The following WDHD1 variants were observed in gnomAD, a reference collection of about 807,000 sequenced individuals.
WDHD1 encodes WD repeat and HMG-box DNA-binding protein 1.
Under a neutral mutation model 135.4 loss-of-function variants are expected in WDHD1, and 111 were observed. The observed-to-expected ratio is 0.82, with a 90% confidence interval of 0.70 to 0.96. The LOEUF (loss-of-function observed/expected upper bound fraction) is 0.96, where lower values mean the gene tolerates loss of function less well. Among genes scored for constraint, WDHD1 ranks in the 40% least tolerant of loss-of-function variants. WDHD1 has a pLI of 0.00. For synonymous variants in WDHD1, 434 were observed against 439.0 expected (o/e 0.99, Z 0.14); for missense variants, 1,351 against 1,336.3 (o/e 1.01, Z -0.17).
chr14:54,987,408 G>A, intron 13 of WDHD1, 21 bp from the exon 14 acceptor site: 1 of 1,600,022 alleles, frequency 6.2e-7, no homozygotes. Context: ...AAACAAGACA[G>A]AAACAATCAA....
chr14:55,010,115 G>A (rs545807875), intron 4 of WDHD1, among the ~76,000 whole-genome samples, 194 bp downstream of exon 4: 9 of 152,076 alleles, frequency 5.9e-5, no homozygotes, highest in African/African-American at 2.2e-4. Context: ...CACCACAACC[G>A]GCCAAAGCAA....
Position 54,981,596 on chromosome 14 carries a change from T to C in WDHD1, c.2007A>G (p.Lys669=). 1 of 1,613,750 alleles carries C rather than the reference T, an allele frequency of 6.2e-7. No individual in the cohort carries two copies. The highest frequency in any genetic ancestry group is 8.5e-7 in the Non-Finnish European group (1 of 1,179,874). The change falls in exon 16 of 26, where the codon AAA becomes AAG. Residue 669 remains lysine (K), a synonymous_variant. Coordinates refer to ENST00000360586, the MANE Select transcript of WDHD1 (RefSeq NM_007086.4). ...CCACCCAGTAGTGATCAGATTTTCCTTTGCAGTGCTCTCTTGTATTACATA... is the reference window on the plus strand; with the variant it reads ...CCACCCAGTAGTGATCAGATTTTCCCTTGCAGTGCTCTCTTGTATTACATA... ...TPICNTREHC[K]GKSDHYWVVG...
At chr14:54,964,398 T>G (rs981200032) in intron 18 of WDHD1, among the ~76,000 whole-genome samples, 1 of 152,128 alleles carries the variant, frequency 6.6e-6, no homozygotes, top group Non-Finnish European at 1.5e-5. Context: ...CCTAGCACTT[T>G]GGGAGACTGA....
At chr14:54,956,828 G>A (rs1311716138) in intron 23 of WDHD1, among the ~76,000 whole-genome samples, 1 of 152,092 alleles carries the variant, frequency 6.6e-6, no homozygotes, top group Non-Finnish European at 1.5e-5. Context: ...GGGCTCAAGT[G>A]ATCCTCCCAC....
intron 11 of WDHD1, among the ~76,000 whole-genome samples, chr14:54,992,354 G>A (rs1338841792): frequency 7.2e-5 from 11 of 152,132 alleles, no homozygotes; most frequent in African/African-American, 2.7e-4. Flanking sequence ...GCCTGGCATG[G>A]TGGCGGGCAC....
rs775309889 is a variant in WDHD1, at chr14:55,008,654, T to C, written c.407A>G (p.Asp136Gly). 2 of 1,613,078 alleles carry C rather than the reference T, an allele frequency of 1.2e-6. No homozygotes were observed. Among genetic ancestry groups the C allele is most frequent in the African/African-American group, 1.3e-5 (1 of 74,892 alleles). The change falls in exon 5 of 26, where the codon GAT (aspartate) becomes GGT (glycine). Residue 136 changes from aspartate to glycine, a missense_variant. Physicochemically the swap from Asp to Gly is moderately conservative, Grantham distance 94. Coordinates refer to ENST00000360586, the MANE Select transcript of WDHD1 (RefSeq NM_007086.4). Reference protein sequence around the residue: ...SSQQKTFRGHDAPVLSLSFDP... With the variant: ...SSQQKTFRGHGAPVLSLSFDP... ...AAAGGAAAGACTTAAAACAGGGGCA[T>C]CATGTCCTCGAAATGTTTTCTGTTG... is the stretch of plus-strand genomic sequence containing the variant.
chr14:55,023,568 A>G (rs892300476), intron 2 of WDHD1, among the ~76,000 whole-genome samples: 8 of 152,238 alleles, frequency 5.3e-5, no homozygotes, highest in African/African-American at 1.9e-4. Context: ...GGCACTTCAT[A>G]TGATTCCCAT....
At chr14:55,014,849 AAAG>A (rs1375494654) in intron 2 of WDHD1, among the ~76,000 whole-genome samples, 4 of 152,140 alleles carry the variant, frequency 2.6e-5, no homozygotes, top group Admixed American at 1.3e-4. Context: ...CTGGGAAGTC[AAAG>A]AACAAGCAGG....
At chr14:54,977,115 T>C (rs1422230029) in intron 16 of WDHD1, among the ~76,000 whole-genome samples, 1 of 152,130 alleles carries the variant, frequency 6.6e-6, no homozygotes, top group African/African-American at 2.4e-5. Context: ...AATAGATGTG[T>C]ACTCTCTACC....
intron 18 of WDHD1, among the ~76,000 whole-genome samples, chr14:54,965,375 G>A (rs954062778): frequency 3.3e-5 from 5 of 152,126 alleles, no homozygotes; most frequent in African/African-American, 9.7e-5. Context: ...CACCAAACCT[G>A]GCCACTGGTC....
intron 2 of WDHD1, among the ~76,000 whole-genome samples, chr14:55,021,817 A>G (rs950159818): frequency 2.0e-5 from 3 of 152,344 alleles, no homozygotes; most frequent in Admixed American, 6.5e-5. Flanking sequence ...TAAGTCATGC[A>G]CAACGTCTGG....
intron 2 of WDHD1, among the ~76,000 whole-genome samples, chr14:55,023,309 C>T (rs997758142): frequency 3.3e-5 from 5 of 152,160 alleles, no homozygotes; most frequent in Admixed American, 6.5e-5. Context: ...ATAAAAGCTG[C>T]GTTTTCAATA....
chr14:55,004,764 T>C, intron 7 of WDHD1: 1 of 386,568 alleles, frequency 2.6e-6, no homozygotes, highest in South Asian at 2.0e-5. Context: ...AATGTTTATT[T>C]TTCATCAACC....
chr14:55,023,014 C>T (rs956865027), intron 2 of WDHD1, among the ~76,000 whole-genome samples: 1 of 151,844 alleles, frequency 6.6e-6, no homozygotes, highest in Non-Finnish European at 1.5e-5. Flanking sequence ...TTAGTAGAGA[C>T]AGGGTTTCAA....
chr14:54,959,794 C>T (rs1327711857), intron 21 of WDHD1, among the ~76,000 whole-genome samples: 1 of 151,522 alleles, frequency 6.6e-6, no homozygotes, highest in African/African-American at 2.4e-5. Flanking sequence ...ACCCCCCCCA[C>T]CAAACAAAAA....
intron 7 of WDHD1, among the ~76,000 whole-genome samples, chr14:55,002,437 A>C (rs1329563705): frequency 6.6e-6 from 1 of 152,068 alleles, no homozygotes; most frequent in East Asian, 1.9e-4. Flanking sequence ...TGCCAGGCGC[A>C]AATCTGTATT....
intron 2 of WDHD1, among the ~76,000 whole-genome samples, chr14:55,018,296 G>A (rs1429107737): frequency 1.3e-5 from 2 of 152,112 alleles, no homozygotes; most frequent in East Asian, 1.9e-4. Flanking sequence ...CAAAACTTAT[G>A]CACAGGAAGA....
At chr14:54,959,240 A>G (rs1366248036) in intron 21 of WDHD1, among the ~76,000 whole-genome samples, 1 of 151,926 alleles carries the variant, frequency 6.6e-6, no homozygotes, top group Non-Finnish European at 1.5e-5. Flanking sequence ...AACCCAAACC[A>G]AAACAAAACT....
intron 21 of WDHD1, among the ~76,000 whole-genome samples, chr14:54,962,140 T>C (rs1430695878): frequency 6.6e-6 from 1 of 152,074 alleles, no homozygotes; most frequent in Non-Finnish European, 1.5e-5. Flanking sequence ...CAGCCTTCAA[T>C]TCCTTTTAAC....
Sources: allele counts gnomAD v4.1 joint callset (sites outside exome capture counted in the v4.1 genomes callset), GRCh38; gene constraint gnomAD v4.1.1; transcripts MANE v1.5; gene names NCBI Gene and HGNC (gene_info 2026-07-23, HGNC 2026-07-21).